ZFHX3: variants seen among roughly 807,000 people sequenced by gnomAD.
The protein encoded by ZFHX3 is zinc finger homeobox 3.
Under a neutral mutation model 279.1 loss-of-function variants are expected in ZFHX3, and 42 were observed. That is an observed-to-expected ratio of 0.15 (90% CI 0.12 to 0.19). The LOEUF is 0.19. ZFHX3 is among the 10% of genes least tolerant of loss of function. The pLI, the probability that ZFHX3 is intolerant of heterozygous loss-of-function variation, is 1.00. For synonymous variants in ZFHX3, 2,293 were observed against 1,957.8 expected (o/e 1.17, Z -4.52); for missense variants, 4,981 against 4,754.0 (o/e 1.05, Z -1.40).
At chr16:73,655,249 T>C (rs2052711643) in intron 2 of ZFHX3, among the ~76,000 whole-genome samples, 1 of 152,216 alleles carries the variant, frequency 6.6e-6, no homozygotes, top group Non-Finnish European at 1.5e-5. Flanking sequence ...AAGATAAGGA[T>C]ATTCATTTTC....
chr16:73,383,265 C>G (rs1317733283), intron 3 of ZFHX3, among the ~76,000 whole-genome samples: 1 of 152,200 alleles, frequency 6.6e-6, no homozygotes, highest in Admixed American at 6.5e-5. Flanking sequence ...ACTCTGGCCA[C>G]CCATCCAGCA....
intron 2 of ZFHX3, among the ~76,000 whole-genome samples, chr16:73,626,438 A>G (rs1464801275): frequency 1.3e-5 from 2 of 152,078 alleles, no homozygotes; most frequent in East Asian, 3.9e-4. Context: ...ATATTTCCTC[A>G]TCGATATTGG....
chr16:72,981,927 G>C (rs974761077), intron 1 of ZFHX3, among the ~76,000 whole-genome samples: 2 of 146,490 alleles, frequency 1.4e-5, no homozygotes, highest in African/African-American at 5.1e-5. Context: ...CTGTCATCCA[G>C]GCTGGAATGC....
intron 4 of ZFHX3, among the ~76,000 whole-genome samples, chr16:73,300,321 T>C (rs1349155254): frequency 6.6e-6 from 1 of 150,540 alleles, no homozygotes; most frequent in Non-Finnish European, 1.5e-5. Flanking sequence ...AAAATAAAGA[T>C]TCCATGAGGC....
intron 1 of ZFHX3, among the ~76,000 whole-genome samples, chr16:73,684,882 G>A (rs1184614078): frequency 6.6e-6 from 1 of 151,904 alleles, no homozygotes; most frequent in East Asian, 1.9e-4. Context: ...TGTCTTTTTA[G>A]TAGAGACAGG....
chr16:73,072,444 C>A (rs1386037062), intron 8 of ZFHX3, among the ~76,000 whole-genome samples: 12 of 97,716 alleles, frequency 1.2e-4, no homozygotes, highest in South Asian at 7.1e-4. Context: ...AACTCCGTCT[C>A]AAAAAAAAAA....
intron 1 of ZFHX3, among the ~76,000 whole-genome samples, chr16:73,875,054 T>C (rs1342180303): frequency 6.6e-6 from 1 of 152,188 alleles, no homozygotes; most frequent in Non-Finnish European, 1.5e-5. Context: ...GGTATATAGC[T>C]GTTAAGTGAG....
At chr16:73,615,084 G>C (rs962140081) in intron 2 of ZFHX3, among the ~76,000 whole-genome samples, 3 of 151,528 alleles carry the variant, frequency 2.0e-5, no homozygotes, top group Non-Finnish European at 4.4e-5. Context: ...AATCTAAAAT[G>C]CGATTCTCTC....
At chr16:73,370,560 G>A (rs1024993329) in intron 3 of ZFHX3, among the ~76,000 whole-genome samples, 1 of 152,104 alleles carries the variant, frequency 6.6e-6, no homozygotes, top group African/African-American at 2.4e-5. Flanking sequence ...AGTAAAGCCC[G>A]TGTGCTAACC....
chr16:73,708,341 G>A (rs753008330), intron 1 of ZFHX3, among the ~76,000 whole-genome samples: 3 of 152,132 alleles, frequency 2.0e-5, no homozygotes, highest in Non-Finnish European at 4.4e-5. Context: ...ATACACCGCT[G>A]ATGTAAAACA....
chr16:73,004,058 G>A (rs909366548), intron 1 of ZFHX3, among the ~76,000 whole-genome samples: 7 of 150,782 alleles, frequency 4.6e-5, no homozygotes, highest in African/African-American at 1.7e-4. Flanking sequence ...CTTCAAATGG[G>A]CAGCCTAGAT....
intron 4 of ZFHX3, among the ~76,000 whole-genome samples, chr16:72,848,349 G>A (rs533225016): frequency 6.6e-6 from 1 of 152,208 alleles, no homozygotes; most frequent in African/African-American, 2.4e-5. Flanking sequence ...CACACTCGGT[G>A]CCTTCAAAGT....
At chr16:73,256,269 A>C (rs574489930) in intron 5 of ZFHX3, among the ~76,000 whole-genome samples, 54 of 152,330 alleles carry the variant, frequency 3.5e-4, no homozygotes, top group African/African-American at 1.3e-3. Flanking sequence ...CTACAGAGCC[A>C]GGAATCAAAA....
intron 1 of ZFHX3, among the ~76,000 whole-genome samples, chr16:72,975,009 C>T (rs1202342213): frequency 3.3e-5 from 5 of 152,148 alleles, no homozygotes; most frequent in Non-Finnish European, 7.4e-5. Flanking sequence ...GCTCCTATCT[C>T]GATTCTCTTT....
In ZFHX3 at chr16:73,260,730, G is replaced by A. The variant is rs567932459; in HGVS notation, c.-1193-3594C>T. 1.4e-4 allele frequency among the ~76,000 whole-genome samples: 17 copies of A among 117,906 alleles called. No homozygotes were observed. The South Asian group carries it at 2.0e-3, about 14-fold the overall frequency. 77.4% of individuals were successfully genotyped at this position (117,906 alleles called of 152,430 possible). On this transcript the variant is annotated intron_variant, in intron 4 of 17. Transcript: ENST00000641206. ...TTTGAGATGGAGCTTTGCTCTTGCCGCCCAGGCTGGAGTGCAGTCTTGGCT... is the reference window on the plus strand; with the variant it reads ...TTTGAGATGGAGCTTTGCTCTTGCCACCCAGGCTGGAGTGCAGTCTTGGCT...
At chr16:73,629,216 C>G (rs534760460) in intron 2 of ZFHX3, among the ~76,000 whole-genome samples, 71 of 152,314 alleles carry the variant, frequency 4.7e-4, no homozygotes, top group Middle Eastern at 3.4e-3. Flanking sequence ...TGTAATCCAT[C>G]TCCTGCTGCA....
At chr16:73,443,523 C>A (rs1005583781) in intron 3 of ZFHX3, among the ~76,000 whole-genome samples, 1 of 151,384 alleles carries the variant, frequency 6.6e-6, no homozygotes, top group African/African-American at 2.4e-5. Flanking sequence ...ATCACTTTGC[C>A]TGACAAAAAG....
intron 5 of ZFHX3, among the ~76,000 whole-genome samples, chr16:73,161,806 G>A (rs1031692427): frequency 8.5e-5 from 13 of 152,112 alleles, no homozygotes; most frequent in African/African-American, 3.1e-4. Context: ...ATCCATAGGT[G>A]GCCTGTTGGA....
At chr16:73,084,519 T>A (rs1036472593) in intron 8 of ZFHX3, among the ~76,000 whole-genome samples, 3 of 142,406 alleles carry the variant, frequency 2.1e-5, no homozygotes, top group Admixed American at 7.0e-5. Context: ...ACTAAATTTT[T>A]TTTTTTTTTT....
Sources: gnomAD v4.1 joint callset for allele counts (sites outside exome capture counted in the v4.1 genomes callset) on GRCh38, gnomAD v4.1.1 for gene constraint, MANE v1.5 for transcripts, NCBI Gene and HGNC (gene_info 2026-07-23, HGNC 2026-07-21) for gene names.